LRRC4C: variants seen among roughly 807,000 people sequenced by gnomAD.
LRRC4C encodes leucine-rich repeat-containing protein 4C.
Under a neutral mutation model 33.6 loss-of-function variants are expected in LRRC4C, and 5 were observed. The observed-to-expected ratio is 0.15, with a 90% CI of 0.08 to 0.31. LRRC4C has a LOEUF of 0.31. Ranked by LOEUF, LRRC4C falls within the 10% of genes least tolerant of loss-of-function variation. LRRC4C has a pLI of 1.00. For missense variants in LRRC4C, 560 were observed against 796.7 expected (o/e 0.70, Z 3.58); for synonymous variants, 329 against 302.0 (o/e 1.09, Z -0.93).
chr11:41,282,051 C>T (rs970704603), intron 1 of LRRC4C, among the ~76,000 whole-genome samples: 1 of 152,034 alleles, frequency 6.6e-6, no homozygotes, highest in African/African-American at 2.4e-5. Flanking sequence ...AGAAAGGTCA[C>T]ACAAAAGAAA....
intron 2 of LRRC4C, among the ~76,000 whole-genome samples, chr11:40,931,176 G>T (rs1036911229): frequency 4.6e-5 from 7 of 152,118 alleles, no homozygotes; most frequent in Non-Finnish European, 8.8e-5. Flanking sequence ...AAACAAACAA[G>T]AATCCAATTT....
intron 5 of LRRC4C, among the ~76,000 whole-genome samples, chr11:40,171,529 A>C (rs1860043610): frequency 6.6e-6 from 1 of 152,208 alleles, no homozygotes; most frequent in South Asian, 2.1e-4. Flanking sequence ...AATATTAGTA[A>C]AAATTTTCAT....
chr11:40,695,794 T>C (rs1945473198), intron 2 of LRRC4C, among the ~76,000 whole-genome samples: 1 of 152,056 alleles, frequency 6.6e-6, no homozygotes, highest in African/African-American at 2.4e-5. Flanking sequence ...CTTCATTCTT[T>C]TACTTACGAG....
chr11:40,533,529 G>A (rs908261979), intron 3 of LRRC4C, among the ~76,000 whole-genome samples: 2 of 152,094 alleles, frequency 1.3e-5, no homozygotes, highest in Non-Finnish European at 2.9e-5. Context: ...CCCTCCCGGA[G>A]CATTGTAGGT....
At chr11:40,704,040 G>T (rs1946017657) in intron 2 of LRRC4C, among the ~76,000 whole-genome samples, 1 of 152,078 alleles carries the variant, frequency 6.6e-6, no homozygotes, top group Non-Finnish European at 1.5e-5. Context: ...ATATTAGATG[G>T]TGGGGAGAGT....
At chr11:40,831,389 T>C (rs987876493) in intron 2 of LRRC4C, among the ~76,000 whole-genome samples, 4 of 152,038 alleles carry the variant, frequency 2.6e-5, no homozygotes, top group Admixed American at 2.6e-4. Context: ...CTCAATACTC[T>C]CCAAGCAGAC....
At chr11:40,472,117 A>C (rs913937859) in intron 3 of LRRC4C, among the ~76,000 whole-genome samples, 4 of 132,742 alleles carry the variant, frequency 3.0e-5, no homozygotes, top group African/African-American at 9.9e-5. Flanking sequence ...CTCTACTAAA[A>C]AAAATACAAA....
chr11:40,337,909 C>T (rs1946701434), intron 3 of LRRC4C, among the ~76,000 whole-genome samples: 2 of 152,130 alleles, frequency 1.3e-5, no homozygotes, highest in Non-Finnish European at 2.9e-5. Flanking sequence ...TTAGCTCCCA[C>T]TTATAAGTGA....
At chr11:40,750,294 A>T (rs1948618661) in intron 2 of LRRC4C, among the ~76,000 whole-genome samples, 1 of 152,166 alleles carries the variant, frequency 6.6e-6, no homozygotes, top group East Asian at 1.9e-4. Flanking sequence ...AAAAACTAAT[A>T]GCAATCCTAA....
intron 3 of LRRC4C, among the ~76,000 whole-genome samples, chr11:40,536,044 A>G (rs1956457375): frequency 6.6e-6 from 1 of 152,140 alleles, no homozygotes; most frequent in Non-Finnish European, 1.5e-5. Flanking sequence ...ATATGTCCAC[A>G]ACTATTTCTC....
At chr11:40,465,407 A>G (rs1445350142) in intron 3 of LRRC4C, among the ~76,000 whole-genome samples, 1 of 151,978 alleles carries the variant, frequency 6.6e-6, no homozygotes, top group African/African-American at 2.4e-5. Context: ...TACATTAAGA[A>G]TTCATGACTT....
At chr11:40,963,775 G>T (rs1029871176) in intron 1 of LRRC4C, among the ~76,000 whole-genome samples, 4 of 151,684 alleles carry the variant, frequency 2.6e-5, no homozygotes, top group African/African-American at 7.3e-5. Flanking sequence ...GGATAGAGAT[G>T]GGGCATCTTT....
At chr11:40,700,278 A>G (rs1288981102) in intron 2 of LRRC4C, among the ~76,000 whole-genome samples, 2 of 152,098 alleles carry the variant, frequency 1.3e-5, no homozygotes, top group Non-Finnish European at 2.9e-5. Flanking sequence ...GAAAATATCA[A>G]TTACAGAAAC....
chr11:41,241,969 T>C (rs12276841), intron 1 of LRRC4C, among the ~76,000 whole-genome samples: 20,866 of 152,226 alleles, frequency 0.14, 1,570 homozygotes, highest in Middle Eastern at 0.25. Flanking sequence ...TATTAAAATA[T>C]GTCTCAACAT....
intron 1 of LRRC4C, among the ~76,000 whole-genome samples, chr11:41,435,022 A>G (rs1955378452): frequency 6.6e-6 from 1 of 152,158 alleles, no homozygotes; most frequent in Admixed American, 6.6e-5. Context: ...CCTCAGCAAT[A>G]AAGAGAATGG....
intron 1 of LRRC4C, among the ~76,000 whole-genome samples, chr11:41,068,353 C>T (rs1024243305): frequency 6.6e-6 from 1 of 151,952 alleles, no homozygotes; most frequent in East Asian, 1.9e-4. Context: ...AGCGTGCCAC[C>T]GCACTCTAGC....
At chr11:40,162,324 T>C (rs1859223653) in intron 5 of LRRC4C, among the ~76,000 whole-genome samples, 1 of 152,096 alleles carries the variant, frequency 6.6e-6, no homozygotes, top group African/African-American at 2.4e-5. Flanking sequence ...GGTGCAAAGG[T>C]TAAATAAAAA....
intron 3 of LRRC4C, chr11:40,446,557 C>T (rs886278370): frequency 3.3e-5 from 5 of 152,044 alleles, no homozygotes; most frequent in African/African-American, 9.7e-5. Flanking sequence ...TGGGTGGATA[C>T]CTGGGAGACT....
intron 1 of LRRC4C, among the ~76,000 whole-genome samples, chr11:41,009,031 A>T (rs1175269640): frequency 6.6e-6 from 1 of 152,084 alleles, no homozygotes; most frequent in Non-Finnish European, 1.5e-5. Flanking sequence ...TATGAAAGAT[A>T]ACGCCAACTT....
Sources: allele counts gnomAD v4.1 joint callset (sites outside exome capture counted in the v4.1 genomes callset), GRCh38; gene constraint gnomAD v4.1.1; transcripts MANE v1.5; gene names NCBI Gene and HGNC (gene_info 2026-07-23, HGNC 2026-07-21).